Variants in VAMP1 observed in about 807,000 individuals in gnomAD.
VAMP1 encodes vesicle-associated membrane protein 1.
Under a neutral mutation model 19.1 loss-of-function variants are expected in VAMP1, and 16 were observed. The observed-to-expected ratio is 0.84, with a 90% CI of 0.57 to 1.27. The LOEUF is 1.27. Among genes scored for constraint, VAMP1 ranks in the 50% most tolerant of loss-of-function variants. The pLI, the probability that VAMP1 is intolerant of heterozygous loss-of-function variation, is 0.00. For synonymous variants in VAMP1, 37 were observed against 50.2 expected (o/e 0.74, Z 1.11); for missense variants, 109 against 145.4 (o/e 0.75, Z 1.29).
At position 6,463,461 on chromosome 12, in the gene VAMP1, A is replaced by G; in HGVS notation, c.*1009T>C. 9.6e-7 allele frequency: 1 copy of G among 1,040,194 alleles called. No homozygotes were observed. The highest frequency in any genetic ancestry group is 5.1e-5 in the Admixed American group (1 of 19,786). 64.4% of individuals were successfully genotyped at this position (1,040,194 alleles called of 1,614,324 possible). A position where few individuals can be genotyped will look rare whatever the true frequency, so the allele number is the denominator to read the frequency against. ...GGAGGAAAGGATTCCATGGGTGTCC[A>G]AAGATCTCACACTGCTAACACCCTC... On this transcript the variant is annotated 3_prime_UTR_variant, in exon 5 of 5. Transcript: ENST00000396308. The surrounding 1 kb of genome is among the most constrained non-coding windows in gnomAD (Gnocchi z 4.0).
chr12:6,466,420 C>T, intron 1 of VAMP1, 69 bp from the exon 2 acceptor site: 2 of 1,523,896 alleles, frequency 1.3e-6, no homozygotes, highest in East Asian at 2.3e-5. Flanking sequence ...TGGTAGCACA[C>T]ACCTGTAGTC....
rs1434603043 is a variant in VAMP1, at chr12:6,463,972, G to A, written c.*498C>T. The stretch of plus-strand genomic sequence containing the variant: ...AAGTTGGACTTTGGTCCACCCCCAG[G>A]ACCCTCTTCAGGCCTGGTCCAGGAA... On this transcript the variant is annotated 3_prime_UTR_variant, in exon 5 of 5. Coordinates refer to ENST00000396308, the MANE Select transcript of VAMP1 (RefSeq NM_014231.5). The surrounding 1 kb of genome is among the most constrained non-coding windows in gnomAD (Gnocchi z 4.0). The A allele has an allele frequency of 3.9e-6, 5 of 1,290,580 alleles. No homozygotes were observed. Among genetic ancestry groups the A allele is most frequent in the Admixed American group, 2.3e-5 (1 of 43,612 alleles). 79.9% of individuals were successfully genotyped at this position (1,290,580 alleles called of 1,614,324 possible). A position where few individuals can be genotyped will look rare whatever the true frequency, so the allele number is the denominator to read the frequency against.
intron 1 of VAMP1, 83 bp from the exon 2 acceptor site, chr12:6,466,434 G>T: frequency 6.7e-7 from 1 of 1,482,094 alleles, no homozygotes. Context: ...TGTAGTCCCA[G>T]CTACTCAAGA....
Position 6,465,427 on chromosome 12 carries a change from TAA to T in VAMP1, c.288+413_288+414del, listed in dbSNP as rs1328276842. ...ATGTATATATATGTATATATATATA[TAA>T]ATGTATATATATGTATATATACATA... On this transcript the variant is annotated intron_variant, in intron 3 of 4. Coordinates refer to ENST00000396308, the MANE Select transcript of VAMP1 (RefSeq NM_014231.5). The T allele has an allele frequency of 4.7e-3, 583 of 124,470 alleles. 7 individuals carry two copies. Among genetic ancestry groups the T allele is most frequent in the East Asian group, 0.022 (95 of 4,246 alleles). The allele number at this position is 124,470 out of a possible 1,614,324, so 7.7% of individuals were successfully genotyped here.
intron 2 of VAMP1, 88 bp downstream of exon 2, chr12:6,466,137 T>C: frequency 6.2e-7 from 1 of 1,611,528 alleles, no homozygotes; most frequent in Admixed American, 1.7e-5. Context: ...ACTATTCTCC[T>C]ACGAAAAAAG....
chr12:6,465,398 AT>A (rs1277019606), intron 3 of VAMP1: 5 of 106,966 alleles, frequency 4.7e-5, no homozygotes, highest in East Asian at 2.9e-4. Context: ...ATATATATAT[AT>A]AAATGTATAT....
chr12:6,466,441 A>G, intron 1 of VAMP1, 90 bp from the exon 2 acceptor site: 1 of 1,436,844 alleles, frequency 7.0e-7, no homozygotes, highest in Non-Finnish European at 9.3e-7. Flanking sequence ...CCAGCTACTC[A>G]AGAGGCTGAA....
rs1364085048 is a variant in VAMP1, at chr12:6,463,930, G to C, written c.*540C>G. 1 of 1,288,838 alleles carries C rather than the reference G, an allele frequency of 7.8e-7. No individual in the cohort carries two copies. Among genetic ancestry groups the C allele is most frequent in the Admixed American group, 2.3e-5 (1 of 43,392 alleles). The allele number at this position is 1,288,838 out of a possible 1,614,324, so 79.8% of individuals were successfully genotyped here. A position where few individuals can be genotyped will look rare whatever the true frequency, so the allele number is the denominator to read the frequency against. Reference sequence around the variant, plus strand: ...AAAACAAGTTTTTACTTTCGAAAAGGGTACTGCACTGAAACCAAGTTGGAC... The same window carrying C: ...AAAACAAGTTTTTACTTTCGAAAAGCGTACTGCACTGAAACCAAGTTGGAC... On this transcript the variant is annotated 3_prime_UTR_variant, in exon 5 of 5. Transcript: ENST00000396308. This position sits in a 1 kb window ranked among gnomAD's most constrained non-coding sequence, Gnocchi z 4.0.
chr12:6,467,330 G>C (rs1945654474), intron 1 of VAMP1, among the ~76,000 whole-genome samples: 2 of 152,182 alleles, frequency 1.3e-5, no homozygotes, highest in African/African-American at 2.4e-5. Context: ...GAACCTCCTA[G>C]AGACTTGTTG....
At chr12:6,466,087 T>C (rs1950017374) in intron 2 of VAMP1, 87 bp from the exon 3 acceptor site, 3 of 1,611,504 alleles carry the variant, frequency 1.9e-6, no homozygotes, top group Non-Finnish European at 2.5e-6. Flanking sequence ...AGTCTGGCCC[T>C]GTGCAACTCT....
At chr12:6,469,939 C>A (rs1945728459) in intron 1 of VAMP1, among the ~76,000 whole-genome samples, 1 of 152,168 alleles carries the variant, frequency 6.6e-6, no homozygotes, top group Admixed American at 6.5e-5. Flanking sequence ...CTTGGGATGA[C>A]AGGCCACTAT....
chr12:6,467,202 G>A (rs1950043823), intron 1 of VAMP1: 1 of 162,848 alleles, frequency 6.1e-6, no homozygotes, highest in Admixed American at 6.5e-5. Flanking sequence ...CCAGTAGAGT[G>A]GGGTGTTGCT....
In VAMP1 at chr12:6,463,705, C is replaced by T. The variant is rs928248701; in HGVS notation, c.*765G>A. ...GCTAGATGGATTTATTTGGTGCCCT[C>T]ATACAGAATGCTGTAGAAAATGTAA... On this transcript the variant is annotated 3_prime_UTR_variant, in exon 5 of 5. Coordinates refer to ENST00000396308, the MANE Select transcript of VAMP1 (RefSeq NM_014231.5). The surrounding 1 kb of genome is among the most constrained non-coding windows in gnomAD (Gnocchi z 4.0). The T allele has an allele frequency of 1.2e-5, 14 of 1,136,610 alleles. No homozygotes were observed. The East Asian group carries it at 4.2e-4, about 34-fold the overall frequency. 70.4% of individuals were successfully genotyped at this position (1,136,610 alleles called of 1,614,324 possible).
chr12:6,469,336 G>T (rs1945710221), intron 1 of VAMP1, among the ~76,000 whole-genome samples: 1 of 152,176 alleles, frequency 6.6e-6, no homozygotes, highest in Admixed American at 6.5e-5. Context: ...CAGAGACCTC[G>T]TGATGCCCCG....
chr12:6,465,131 G>C, intron 3 of VAMP1, 190 bp from the exon 4 acceptor site: 2 of 746,952 alleles, frequency 2.7e-6, no homozygotes, highest in South Asian at 1.7e-5. Flanking sequence ...ACCACAGTAT[G>C]TCTGTAGCTT....
In VAMP1 at chr12:6,464,870, G is replaced by A. The variant is rs181120359; in HGVS notation, c.340+20C>T. 1.7e-5 allele frequency: 27 copies of A among 1,613,904 alleles called. No homozygotes were observed. The East Asian group carries it at 5.1e-4, about 31-fold the overall frequency. On this transcript the variant is annotated intron_variant, in intron 4 of 4. Transcript: ENST00000396308. ...ACCTTCCCACCTCTTCACCCCACCA[G>A]CAACTTCAGCGATACTTACTTACAA... is the stretch of plus-strand genomic sequence containing the variant.
Position 6,464,273 on chromosome 12 carries a change from A to G in VAMP1, c.*197T>C, listed in dbSNP as rs1949948963. 1.3e-6 allele frequency: 2 copies of G among 1,537,216 alleles called. No individual in the cohort carries two copies. The highest frequency in any genetic ancestry group is 2.0e-5 in the Admixed American group (1 of 50,584). On this transcript the variant is annotated 3_prime_UTR_variant, in exon 5 of 5. Coordinates refer to ENST00000396308, the MANE Select transcript of VAMP1 (RefSeq NM_014231.5). ...GCTGTTGCTCTTCGGGTAATGACTT[A>G]GATTGTGCCACGAGCAGCATTTCTA...
intron 3 of VAMP1, 187 bp from the exon 4 acceptor site, chr12:6,465,128 T>G: frequency 1.3e-6 from 1 of 759,752 alleles, no homozygotes; most frequent in Non-Finnish European, 2.1e-6. Context: ...ATAACCACAG[T>G]ATGTCTGTAG....
At position 6,464,704 on chromosome 12, in the gene VAMP1, G is replaced by C. The variant is rs989534295; in HGVS notation, c.340+186C>G. The stretch of plus-strand genomic sequence containing the variant: ...CCCTGCAATGCGTTGCAGGGGGAAG[G>C]CTTGTCCATCAAAGAAATCCCTTGT... On this transcript the variant is annotated intron_variant, in intron 4 of 4. Coordinates refer to ENST00000396308, the MANE Select transcript of VAMP1 (RefSeq NM_014231.5). The C allele has an allele frequency of 4.0e-6, 6 of 1,505,790 alleles. No homozygotes were observed. The African/African-American group carries it at 5.6e-5, about 14-fold the overall frequency. The allele number at this position is 1,505,790 out of a possible 1,614,324, so 93.3% of individuals were successfully genotyped here.
Sources: gnomAD v4.1 joint callset for allele counts (sites outside exome capture counted in the v4.1 genomes callset) on GRCh38, gnomAD v4.1.1 for gene constraint, Gnocchi (gnomAD v3.1) non-coding constraint, MANE v1.5 for transcripts, NCBI Gene and HGNC (gene_info 2026-07-23, HGNC 2026-07-21) for gene names.